COG5: variants seen among roughly 807,000 people sequenced by gnomAD.
The protein encoded by COG5 is conserved oligomeric Golgi complex subunit 5.
Under a neutral mutation model 110.4 loss-of-function variants are expected in COG5, and 86 were observed. The observed-to-expected ratio is 0.78, with a 90% confidence interval of 0.65 to 0.93. The LOEUF is 0.93. COG5 is among the 40% of genes least tolerant of loss of function. The pLI is 0.00. For synonymous variants in COG5, 360 were observed against 334.6 expected (o/e 1.08, Z -0.83); for missense variants, 1,077 against 987.0 (o/e 1.09, Z -1.22).
At chr7:107,545,962 T>C (rs1802406010) in intron 5 of COG5, among the ~76,000 whole-genome samples, 1 of 152,074 alleles carries the variant, frequency 6.6e-6, no homozygotes, top group Admixed American at 6.6e-5. Context: ...GGATAGATCA[T>C]ATGTTAGACC....
intron 21 of COG5, among the ~76,000 whole-genome samples, chr7:107,206,129 T>G (rs1798765354): frequency 6.6e-6 from 1 of 151,952 alleles, no homozygotes; most frequent in Admixed American, 6.6e-5. Flanking sequence ...CCCGGCTAAT[T>G]TTTTTGTATT....
At chr7:107,550,038 C>T (rs1333890103) in intron 3 of COG5, among the ~76,000 whole-genome samples, 2 of 152,108 alleles carry the variant, frequency 1.3e-5, no homozygotes, top group Non-Finnish European at 2.9e-5. Flanking sequence ...ACTGTTACAT[C>T]AAATGTAAGA....
chr7:107,417,492 G>C (rs1466924045), intron 6 of COG5, among the ~76,000 whole-genome samples: 2 of 152,032 alleles, frequency 1.3e-5, no homozygotes, highest in East Asian at 1.9e-4. Flanking sequence ...TGGAATATTT[G>C]TTATCATAAA....
intron 6 of COG5, among the ~76,000 whole-genome samples, chr7:107,461,294 A>C (rs1255623611): frequency 6.6e-6 from 1 of 152,180 alleles, no homozygotes; most frequent in Non-Finnish European, 1.5e-5. Flanking sequence ...TAAAAAAACA[A>C]ATCCATGTAA....
intron 6 of COG5, among the ~76,000 whole-genome samples, chr7:107,457,586 G>A (rs1394785186): frequency 6.6e-6 from 1 of 151,876 alleles, no homozygotes; most frequent in Non-Finnish European, 1.5e-5. Context: ...CCGCCACCAT[G>A]CCCGGCTAAT....
chr7:107,245,747 A>G (rs1802006190), intron 17 of COG5, among the ~76,000 whole-genome samples: 1 of 152,252 alleles, frequency 6.6e-6, no homozygotes, highest in Non-Finnish European at 1.5e-5. Flanking sequence ...TCCCATGCTC[A>G]TGGATAGGAA....
chr7:107,364,878 T>A (rs1227167768), intron 8 of COG5, among the ~76,000 whole-genome samples: 1 of 152,156 alleles, frequency 6.6e-6, no homozygotes, highest in East Asian at 1.9e-4. Flanking sequence ...GAAATCCGCA[T>A]CTAATGAATC....
At chr7:107,525,446 T>G (rs1389091321) in intron 6 of COG5, among the ~76,000 whole-genome samples, 1 of 152,200 alleles carries the variant, frequency 6.6e-6, no homozygotes, top group African/African-American at 2.4e-5. Context: ...GCACAGATAT[T>G]AAATGTGATA....
chr7:107,251,761 A>C (rs1009497608), intron 16 of COG5, among the ~76,000 whole-genome samples: 3 of 152,174 alleles, frequency 2.0e-5, no homozygotes, highest in Non-Finnish European at 2.9e-5. Flanking sequence ...ATGGTCTAAA[A>C]TCAATGATGT....
chr7:107,479,572 T>A (rs1797194235), intron 6 of COG5, among the ~76,000 whole-genome samples: 1 of 151,996 alleles, frequency 6.6e-6, no homozygotes, highest in South Asian at 2.1e-4. Context: ...GAAAGAAAAC[T>A]GGCATAAGAG....
chr7:107,435,929 G>T (rs916585472), intron 6 of COG5, among the ~76,000 whole-genome samples: 1 of 151,994 alleles, frequency 6.6e-6, no homozygotes, highest in African/African-American at 2.4e-5. Flanking sequence ...AAGAAAATGT[G>T]GTATACATAC....
At chr7:107,561,555 C>T (rs999861998) in intron 1 of COG5, among the ~76,000 whole-genome samples, 1 of 152,150 alleles carries the variant, frequency 6.6e-6, no homozygotes, top group Non-Finnish European at 1.5e-5. Context: ...GTCCATTTGT[C>T]GTATGTGCAA....
intron 17 of COG5, among the ~76,000 whole-genome samples, chr7:107,245,621 AAAAAG>A (rs1801994660): frequency 6.6e-6 from 1 of 152,216 alleles, no homozygotes; most frequent in Non-Finnish European, 1.5e-5. Context: ...ATAATTGTCA[AAAAAG>A]AATAAAACAT....
In COG5 at chr7:107,360,714, G is replaced by T. The variant is rs193122939; in HGVS notation, c.1026+1319C>A. On this transcript the variant is annotated intron_variant, in intron 10 of 21. Coordinates refer to ENST00000297135, the MANE Select transcript of COG5 (RefSeq NM_006348.5). ...GAGCTAGCACCTGTGCTGACACCTG[G>T]AGCTGCCTGCCCTGCCACAGCAGCC... Among the ~76,000 whole-genome samples, 318 of 152,290 alleles carry T rather than the reference G, an allele frequency of 2.1e-3. 2 individuals carry two copies. Among genetic ancestry groups the T allele is most frequent in the Non-Finnish European group, 1.6e-3 (109 of 68,022 alleles).
intron 12 of COG5, among the ~76,000 whole-genome samples, chr7:107,291,535 C>G (rs1345582639): frequency 6.6e-6 from 1 of 152,206 alleles, no homozygotes; most frequent in Non-Finnish European, 1.5e-5. Flanking sequence ...TGATGTTCCT[C>G]AGCTAGACAC....
rs547894980 is a variant in COG5, at chr7:107,476,584, G to T, written c.538+50653C>A. 2.6e-5 allele frequency among the ~76,000 whole-genome samples: 4 copies of T among 151,640 alleles called. No homozygotes were observed. In the East Asian group the frequency reaches 5.8e-4, roughly 22 times the overall value. On this transcript the variant is annotated intron_variant, in intron 6 of 21. Transcript: ENST00000297135. ...CATGAAATTACTAACCCTAACTACA[G>T]ATTACAAGAATTGGGAACCTCATAT...
chr7:107,244,723 C>T (rs1410160773), intron 17 of COG5, among the ~76,000 whole-genome samples: 1 of 152,106 alleles, frequency 6.6e-6, no homozygotes, highest in Non-Finnish European at 1.5e-5. Flanking sequence ...TTCCTGGACA[C>T]ATACACTCTC....
intron 5 of COG5, among the ~76,000 whole-genome samples, chr7:107,535,887 C>G (rs931796106): frequency 2.0e-5 from 3 of 152,180 alleles, no homozygotes; most frequent in Admixed American, 2.0e-4. Context: ...CCCTGATGAA[C>G]ATCAATGTGA....
intron 6 of COG5, among the ~76,000 whole-genome samples, chr7:107,463,673 T>C (rs1796136650): frequency 6.6e-6 from 1 of 152,148 alleles, no homozygotes; most frequent in Admixed American, 6.5e-5. Flanking sequence ...GACCAAGGAA[T>C]TTAACATATG....
Sources: allele counts gnomAD v4.1 joint callset (sites outside exome capture counted in the v4.1 genomes callset), GRCh38; gene constraint gnomAD v4.1.1; transcripts MANE v1.5; gene names NCBI Gene and HGNC (gene_info 2026-07-23, HGNC 2026-07-21).